EPHA4: variants seen among roughly 807,000 people sequenced by gnomAD.
EPHA4 encodes the protein ephrin type-A receptor 4.
A neutral mutation model predicts 108.3 loss-of-function variants in EPHA4; 19 were observed. The ratio of observed to expected loss-of-function variants is 0.18; its 90% CI spans 0.12 to 0.26. The LOEUF (loss-of-function observed/expected upper bound fraction) is 0.26, where lower values mean the gene tolerates loss of function less well. EPHA4 is among the 10% of genes least tolerant of loss of function. The probability of loss-of-function intolerance (pLI) is 1.00; values close to 1 mark genes in which losing one functional copy is unlikely to be tolerated. For missense variants in EPHA4, 917 were observed against 1,254.0 expected, an observed-to-expected ratio of 0.73 and a Z score of 4.06; for synonymous variants, 449 against 455.5, an observed-to-expected ratio of 0.99 and a Z score of 0.18.
intron 14 of EPHA4, 24 bp downstream of exon 14, chr2:221,434,118 A>G (rs1470330485): frequency 1.3e-5 from 21 of 1,597,836 alleles, no homozygotes; most frequent in Non-Finnish European, 1.7e-5. Context: ...GTGAAAAAAT[A>G]TATTTCAGAA....
At chr2:221,539,647 G>T (rs765625110) in intron 3 of EPHA4, among the ~76,000 whole-genome samples, 4 of 152,110 alleles carry the variant, frequency 2.6e-5, no homozygotes, top group Admixed American at 6.5e-5. Context: ...TCTCACCGAC[G>T]TTAGAGCTTT....
At chr2:221,557,848 A>G (rs1694349696) in intron 3 of EPHA4, among the ~76,000 whole-genome samples, 1 of 152,212 alleles carries the variant, frequency 6.6e-6, no homozygotes, top group South Asian at 2.1e-4. Context: ...CCCCCCACTG[A>G]CATTCTCATA....
chr2:221,563,583 G>A (rs1455162131), intron 3 of EPHA4, 148 bp downstream of exon 3: 26 of 848,096 alleles, frequency 3.1e-5, no homozygotes, highest in Non-Finnish European at 4.1e-5. Context: ...TTGCCACCTG[G>A]AGCTATAGCA....
intron 4 of EPHA4, among the ~76,000 whole-genome samples, chr2:221,488,983 C>A (rs1302682218): frequency 6.6e-6 from 1 of 152,120 alleles, no homozygotes; most frequent in Non-Finnish European, 1.5e-5. Flanking sequence ...TAAAGTAGCC[C>A]CTTTAGGACA....
intron 6 of EPHA4, among the ~76,000 whole-genome samples, chr2:221,457,133 G>A (rs1046134505): frequency 1.3e-5 from 2 of 151,854 alleles, no homozygotes; most frequent in Non-Finnish European, 2.9e-5. Flanking sequence ...TCTATTTTCT[G>A]TCTAGAAAAT....
At chr2:221,565,164 C>T (rs547973110) in intron 2 of EPHA4, among the ~76,000 whole-genome samples, 38 of 152,182 alleles carry the variant, frequency 2.5e-4, no homozygotes, top group East Asian at 9.7e-4. Flanking sequence ...CTAACTCTTC[C>T]GTGGACATTA....
At position 221,446,180 on chromosome 2, in the gene EPHA4, G is replaced by A. The variant is rs774855923; in HGVS notation, c.1717C>T (p.Arg573Trp). The change falls in exon 9 of 18, where the codon CGG becomes TGG. Residue 573 changes from arginine to tryptophan, a missense_variant and splice_region_variant. By Grantham distance (101) the Arg-to-Trp change is moderately radical (BLOSUM62 -3). Transcript: ENST00000281821. ...LIAAFVISRR[R>W]SKYSKAKQEA... ...TGTTTGGCTTTACTGTATTTACTCC[G>A]TCTATTAAAATTTTTTTAAAAAAGA... is the stretch of plus-strand genomic sequence containing the variant. The A allele has an allele frequency of 3.4e-5, 51 of 1,499,776 alleles. No homozygotes were observed. The highest frequency in any genetic ancestry group is 7.2e-5 in the African/African-American group (5 of 69,868). 92.9% of individuals were successfully genotyped at this position (1,499,776 alleles called of 1,614,324 possible).
At chr2:221,475,725 A>G (rs1691633497) in intron 5 of EPHA4, among the ~76,000 whole-genome samples, 1 of 152,378 alleles carries the variant, frequency 6.6e-6, no homozygotes, top group East Asian at 1.9e-4. Context: ...TTTATTTATG[A>G]ATGCCAATAC....
At chr2:221,439,060 G>A (rs1338700011) in intron 11 of EPHA4, among the ~76,000 whole-genome samples, 1 of 152,082 alleles carries the variant, frequency 6.6e-6, no homozygotes, top group Non-Finnish European at 1.5e-5. Context: ...TTGATTGCTT[G>A]AGTTTTTGGT....
chr2:221,521,727 C>T (rs966194608), intron 3 of EPHA4, among the ~76,000 whole-genome samples: 2 of 152,132 alleles, frequency 1.3e-5, no homozygotes, highest in African/African-American at 4.8e-5. Context: ...ATAATCTCAG[C>T]GTTTTGGGAG....
At position 221,494,831 on chromosome 2, in the gene EPHA4, G is replaced by C. The variant is rs189465270; in HGVS notation, c.979+6186C>G. 2.0e-5 allele frequency among the ~76,000 whole-genome samples: 3 copies of C among 152,152 alleles called. No individual in the cohort carries two copies. In the East Asian group the frequency reaches 5.8e-4, roughly 29 times the overall value. On this transcript the variant is annotated intron_variant, in intron 4 of 17. Coordinates refer to ENST00000281821, the MANE Select transcript of EPHA4 (RefSeq NM_004438.5). ...AGGGAAACAAGGAGAAACAGATCTG[G>C]AGAAGGGAAAGAGCTAGTCATTCGT... is the stretch of plus-strand genomic sequence containing the variant.
chr2:221,547,531 A>G (rs963087125), intron 3 of EPHA4, among the ~76,000 whole-genome samples: 2 of 152,220 alleles, frequency 1.3e-5, no homozygotes, highest in East Asian at 3.8e-4. Flanking sequence ...CTCTTTGACA[A>G]GGTCTCCAGC....
At chr2:221,557,757 G>T (rs1268938862) in intron 3 of EPHA4, among the ~76,000 whole-genome samples, 1 of 152,170 alleles carries the variant, frequency 6.6e-6, no homozygotes, top group Non-Finnish European at 1.5e-5. Context: ...CACATGCAAA[G>T]ATTTTAACAT....
At chr2:221,470,587 C>G (rs1691451339) in intron 5 of EPHA4, among the ~76,000 whole-genome samples, 1 of 76,642 alleles carries the variant, frequency 1.3e-5, no homozygotes. Flanking sequence ...CTCTGCTTTT[C>G]CCTAAAGTAT....
At chr2:221,485,946 C>G (rs369960190) in intron 4 of EPHA4, among the ~76,000 whole-genome samples, 2 of 152,252 alleles carry the variant, frequency 1.3e-5, no homozygotes, top group South Asian at 2.1e-4. Context: ...AATCTGAGCT[C>G]TCTTTTAATA....
intron 5 of EPHA4, among the ~76,000 whole-genome samples, chr2:221,472,604 A>C (rs1246112664): frequency 2.6e-5 from 4 of 152,048 alleles, no homozygotes; most frequent in African/African-American, 9.7e-5. Context: ...CACAGCCTTT[A>C]TTAAAAGGAT....
rs77969007 is a variant in EPHA4, at chr2:221,458,252, C to T, written c.1319-262G>A. On this transcript the variant is annotated intron_variant, in intron 5 of 17. Coordinates refer to ENST00000281821, the MANE Select transcript of EPHA4 (RefSeq NM_004438.5). ...CAGGCCTGTAGTACCATTTCCACAG[C>T]ACGTAGAGACATTTCTCATAAAAGG... Among the ~76,000 whole-genome samples, 878 of 152,230 alleles carry T rather than the reference C, an allele frequency of 5.8e-3. 12 individuals are homozygous for T. Among genetic ancestry groups the T allele is most frequent in the African/African-American group, 0.02 (820 of 41,532 alleles).
intron 3 of EPHA4, among the ~76,000 whole-genome samples, chr2:221,550,453 G>GAGAA (rs1307296818): frequency 1.4e-5 from 2 of 144,290 alleles, no homozygotes; most frequent in African/African-American, 5.3e-5. Flanking sequence ...GAGAGAGAGA[G>GAGAA]AATGTAGACT....
intron 4 of EPHA4, among the ~76,000 whole-genome samples, chr2:221,482,973 T>C (rs1006667316): frequency 3.9e-5 from 6 of 152,240 alleles, no homozygotes; most frequent in African/African-American, 1.4e-4. Flanking sequence ...GCCCAGGCTT[T>C]CCCTATGAAG....
Sources: gnomAD v4.1 joint callset for allele counts (sites outside exome capture counted in the v4.1 genomes callset) on GRCh38, gnomAD v4.1.1 for gene constraint, MANE v1.5 for transcripts, NCBI Gene and HGNC (gene_info 2026-07-23, HGNC 2026-07-21) for gene names.